Variants in NRG1 observed in about 807,000 individuals in gnomAD.
NRG1 encodes the protein pro-neuregulin-1, membrane-bound isoform.
NRG1 carries 18 observed loss-of-function variants against 63.8 expected under a neutral mutation model. That is an observed-to-expected ratio of 0.28 (90% confidence interval 0.19 to 0.42). The LOEUF is 0.42. Among genes scored for constraint, NRG1 ranks in the 10% least tolerant of loss-of-function variants. The pLI is 1.00. For synonymous variants in NRG1, 302 were observed against 301.3 expected (o/e 1.00, Z -0.02); for missense variants, 762 against 814.7 (o/e 0.94, Z 0.79).
intron 1 of NRG1, among the ~76,000 whole-genome samples, chr8:32,326,308 T>G (rs1260815105): frequency 6.4e-5 from 7 of 110,184 alleles, no homozygotes; most frequent in African/African-American, 2.9e-4. Context: ...GTGCCCAGGC[T>G]TTTTTTTTTT....
In NRG1 at chr8:32,646,714, TG is replaced by T. The variant is rs1853626868; in HGVS notation, c.502+29834del. 9.1e-6 allele frequency: 9 copies of T among 985,062 alleles called. No homozygotes were observed. In the South Asian group the frequency reaches 3.8e-4, roughly 41 times the overall value. The allele number at this position is 985,062 out of a possible 1,614,324, so 61.0% of individuals were successfully genotyped here. On this transcript the variant is annotated intron_variant, in intron 5 of 11. Coordinates refer to ENST00000356819, the Ensembl canonical transcript of NRG1. ...AAGAAAGAAAAAGGAGGAAAACGGG[TG>T]GGGGCCATGGGGACTAGGCTTAACT...
chr8:32,229,898 G>T (rs1846734046), intron 1 of NRG1, among the ~76,000 whole-genome samples: 1 of 151,902 alleles, frequency 6.6e-6, no homozygotes, highest in Non-Finnish European at 1.5e-5. Flanking sequence ...GAGGTGGATG[G>T]CACTGCTCAT....
chr8:32,752,741 T>A (rs1828978703), intron 7 of NRG1, among the ~76,000 whole-genome samples: 1 of 152,196 alleles, frequency 6.6e-6, no homozygotes, highest in Non-Finnish European at 1.5e-5. Flanking sequence ...TCTTGGTTTG[T>A]TTTTCCTTTC....
chr8:31,655,858 G>C (rs1053573243), intron 1 of NRG1, among the ~76,000 whole-genome samples: 1 of 152,176 alleles, frequency 6.6e-6, no homozygotes, highest in Non-Finnish European at 1.5e-5. Context: ...CTGTGATGGG[G>C]CAATGCCTAC....
At chr8:31,793,285 GCA>G (rs1820885733) in intron 1 of NRG1, among the ~76,000 whole-genome samples, 1 of 152,160 alleles carries the variant, frequency 6.6e-6, no homozygotes, top group Admixed American at 6.5e-5. Context: ...GAGCTCTGCT[GCA>G]CAGTTTTAGT....
At chr8:32,270,700 C>G (rs1324445476) in intron 1 of NRG1, among the ~76,000 whole-genome samples, 1 of 152,186 alleles carries the variant, frequency 6.6e-6, no homozygotes, top group Non-Finnish European at 1.5e-5. Context: ...AGGTGATTTG[C>G]ACAGGCTCAT....
At chr8:32,378,124 G>A (rs1344628877) in intron 1 of NRG1, among the ~76,000 whole-genome samples, 1 of 152,094 alleles carries the variant, frequency 6.6e-6, no homozygotes, top group Non-Finnish European at 1.5e-5. Flanking sequence ...GAATTGAGCT[G>A]GTTTGAGAGA....
At chr8:32,668,389 C>G (rs16879713) in intron 5 of NRG1, among the ~76,000 whole-genome samples, 2,990 of 152,214 alleles carry the variant, frequency 0.02, 103 homozygotes, top group African/African-American at 0.068. Flanking sequence ...GTTTCTATCA[C>G]TAGTGGGTCT....
At chr8:31,936,991 A>AG (rs1801006259) in intron 1 of NRG1, among the ~76,000 whole-genome samples, 1 of 152,240 alleles carries the variant, frequency 6.6e-6, no homozygotes, top group African/African-American at 2.4e-5. Context: ...AAGTAAAAAA[A>AG]GCATTGGGAA....
intron 1 of NRG1, among the ~76,000 whole-genome samples, chr8:31,675,488 T>C (rs1403452658): frequency 1.3e-5 from 2 of 152,210 alleles, no homozygotes; most frequent in East Asian, 3.8e-4. Flanking sequence ...AAATACTAAA[T>C]TGTTTGAATT....
chr8:32,590,336 G>A (rs1293466634), intron 1 of NRG1, among the ~76,000 whole-genome samples: 1 of 152,052 alleles, frequency 6.6e-6, no homozygotes, highest in Non-Finnish European at 1.5e-5. Context: ...ATTGTTTCAG[G>A]GTGTGGAACT....
intron 1 of NRG1, among the ~76,000 whole-genome samples, chr8:31,826,855 T>C (rs1056049621): frequency 6.6e-6 from 1 of 152,258 alleles, no homozygotes; most frequent in Non-Finnish European, 1.5e-5. Context: ...GTTTGAGAGA[T>C]AAATGCAGTT....
At chr8:32,072,587 T>C (rs1182327457) in intron 1 of NRG1, among the ~76,000 whole-genome samples, 1 of 152,208 alleles carries the variant, frequency 6.6e-6, no homozygotes, top group Non-Finnish European at 1.5e-5. Flanking sequence ...ATTAAATTCA[T>C]AGATAAAAAT....
intron 1 of NRG1, among the ~76,000 whole-genome samples, chr8:32,490,630 T>G (rs1404966220): frequency 6.6e-6 from 1 of 152,158 alleles, no homozygotes; most frequent in Non-Finnish European, 1.5e-5. Context: ...TGAAGAAAGA[T>G]CAGTATGTTA....
At chr8:32,270,538 GAAAA>G (rs1851434594) in intron 1 of NRG1, among the ~76,000 whole-genome samples, 1 of 152,212 alleles carries the variant, frequency 6.6e-6, no homozygotes, top group African/African-American at 2.4e-5. Context: ...GCAAAAGAAA[GAAAA>G]TTCAAAATTC....
At chr8:32,499,746 G>A (rs954382803) in intron 1 of NRG1, among the ~76,000 whole-genome samples, 5 of 152,180 alleles carry the variant, frequency 3.3e-5, no homozygotes, top group African/African-American at 7.2e-5. Flanking sequence ...AACAGGGGCA[G>A]TCTCAGTCAC....
chr8:32,197,103 G>A lies in NRG1; in HGVS notation c.38-398725G>A, dbSNP rs149708349. Among the ~76,000 whole-genome samples, 456 of 151,142 alleles carry A rather than the reference G, an allele frequency of 3.0e-3. 8 individuals carry two copies. The highest frequency in any genetic ancestry group is 0.011 in the African/African-American group (435 of 41,248). On this transcript the variant is annotated intron_variant, in intron 1 of 10. Transcript: ENST00000519301. ...GCCTCCTGAGTAGCTGGAATTACAGGCGCCCACCACTAACCCCATCTAATT... is the reference window on the plus strand; with the variant it reads ...GCCTCCTGAGTAGCTGGAATTACAGACGCCCACCACTAACCCCATCTAATT...
At chr8:32,565,450 T>C (rs1837274987) in intron 1 of NRG1, among the ~76,000 whole-genome samples, 1 of 152,168 alleles carries the variant, frequency 6.6e-6, no homozygotes, top group African/African-American at 2.4e-5. Context: ...ACGTTGGACC[T>C]TCTTTCTCTG....
At chr8:32,472,465 C>T (rs1325652517) in intron 1 of NRG1, among the ~76,000 whole-genome samples, 1 of 152,222 alleles carries the variant, frequency 6.6e-6, no homozygotes, top group Non-Finnish European at 1.5e-5. Context: ...CCACCGTGCC[C>T]GGCCCTTGGC....
Sources: allele counts gnomAD v4.1 joint callset (sites outside exome capture counted in the v4.1 genomes callset), GRCh38; gene constraint gnomAD v4.1.1; transcripts MANE v1.5; gene names NCBI Gene and HGNC (gene_info 2026-07-23, HGNC 2026-07-21).